UTRN: variants seen among roughly 807,000 people sequenced by gnomAD.
UTRN encodes the protein dystrophin-related protein 1.
A neutral mutation model predicts 463.9 loss-of-function variants in UTRN; 283 were observed. That is an observed-to-expected ratio of 0.61 (90% confidence interval 0.55 to 0.67). The LOEUF (loss-of-function observed/expected upper bound fraction) is 0.67. Among genes scored for constraint, UTRN ranks in the 30% least tolerant of loss-of-function variants. The pLI, the probability that UTRN is intolerant of heterozygous loss-of-function variation, is 0.00. For missense variants in UTRN, 3,922 were observed against 4,084.3 expected (o/e 0.96, Z 1.08); for synonymous variants, 1,442 against 1,431.5 (o/e 1.01, Z -0.17).
intron 19 of UTRN, among the ~76,000 whole-genome samples, chr6:144,456,561 G>A (rs1376787707): frequency 6.6e-6 from 1 of 151,630 alleles, no homozygotes; most frequent in African/African-American, 2.4e-5. Flanking sequence ...GCTGAGGCAG[G>A]AGAATCGCTT....
intron 52 of UTRN, among the ~76,000 whole-genome samples, chr6:144,694,736 C>T (rs1249625898): frequency 6.6e-6 from 1 of 151,902 alleles, no homozygotes; most frequent in East Asian, 1.9e-4. Flanking sequence ...GGTGATATCC[C>T]TCTTGTCATT....
At chr6:144,622,130 T>C (rs929870093) in intron 51 of UTRN, among the ~76,000 whole-genome samples, 25 of 151,582 alleles carry the variant, frequency 1.6e-4, no homozygotes, top group African/African-American at 5.6e-4. Flanking sequence ...TTCTCAAATA[T>C]ACCATTGAAT....
chr6:144,774,824 TTAAATATATCTTGAGACATTTAG>T (rs1429153211), intron 60 of UTRN, among the ~76,000 whole-genome samples: 1 of 152,238 alleles, frequency 6.6e-6, no homozygotes, highest in Non-Finnish European at 1.5e-5. Flanking sequence ...CTATTTTCTT[TTAAATATATCTTGAGACATTTAG>T]TATTATCAAT....
intron 54 of UTRN, among the ~76,000 whole-genome samples, chr6:144,740,633 T>C (rs1192626684): frequency 6.6e-6 from 1 of 152,226 alleles, no homozygotes; most frequent in Non-Finnish European, 1.5e-5. Context: ...TAATGTGATT[T>C]TTCACAAATT....
chr6:144,710,207 A>G (rs1483421132), intron 53 of UTRN, among the ~76,000 whole-genome samples: 3 of 152,232 alleles, frequency 2.0e-5, no homozygotes, highest in Non-Finnish European at 2.9e-5. Context: ...AGCATCTCCT[A>G]TGTTCAAACA....
chr6:144,678,484 T>C lies in UTRN; in HGVS notation c.7558T>C (p.Leu2520=), dbSNP rs1478789090. 4.3e-6 allele frequency: 7 copies of C among 1,613,410 alleles called. No individual in the cohort carries two copies. Among genetic ancestry groups the C allele is most frequent in the Non-Finnish European group, 5.9e-6 (7 of 1,179,652 alleles). The change falls in exon 52 of 75, where the codon TTG becomes CTG. Residue 2520 remains leucine (L), a synonymous_variant. Coordinates refer to ENST00000367545, the MANE Select transcript of UTRN (RefSeq NM_007124.3). ...DGNRQKMVKA[L]GNSEEATMLQ... ...AAACAGGCAGAAGATGGTAAAAGCTTTGGGAAATTCTGAAGAGGCTACTAT... is the reference window on the plus strand; with the variant it reads ...AAACAGGCAGAAGATGGTAAAAGCTCTGGGAAATTCTGAAGAGGCTACTAT...
At chr6:144,580,182 G>A (rs1163818532) in intron 51 of UTRN, among the ~76,000 whole-genome samples, 2 of 152,066 alleles carry the variant, frequency 1.3e-5, no homozygotes, top group East Asian at 3.9e-4. Flanking sequence ...CAGAAGCATG[G>A]CAAATCATAA....
intron 54 of UTRN, among the ~76,000 whole-genome samples, chr6:144,748,041 T>G (rs571597465): frequency 6.6e-6 from 1 of 152,322 alleles, no homozygotes; most frequent in East Asian, 1.9e-4. Flanking sequence ...TTTATTATCC[T>G]TTTGAGTGTG....
chr6:144,774,170 C>G, intron 59 of UTRN, 120 bp from the exon 60 acceptor site: 1 of 1,021,320 alleles, frequency 9.8e-7, no homozygotes, highest in Non-Finnish European at 1.4e-6. Context: ...TGGGAGAAGA[C>G]TTTTTATTTC....
At chr6:144,714,569 C>A (rs902549078) in intron 53 of UTRN, among the ~76,000 whole-genome samples, 1 of 152,160 alleles carries the variant, frequency 6.6e-6, no homozygotes, top group Non-Finnish European at 1.5e-5. Flanking sequence ...TCTTGAGATT[C>A]TTAGTAATAT....
At chr6:144,595,892 T>G (rs1803593986) in intron 51 of UTRN, among the ~76,000 whole-genome samples, 1 of 152,214 alleles carries the variant, frequency 6.6e-6, no homozygotes, top group Admixed American at 6.5e-5. Context: ...GAGTGCTGTT[T>G]TGCATTAATT....
At chr6:144,734,749 C>A (rs1002741256) in intron 54 of UTRN, among the ~76,000 whole-genome samples, 17 of 152,202 alleles carry the variant, frequency 1.1e-4, no homozygotes, top group African/African-American at 3.4e-4. Flanking sequence ...TCTGCCTGCT[C>A]TGCCTTTGCT....
intron 2 of UTRN, among the ~76,000 whole-genome samples, chr6:144,365,415 G>T (rs1041429779): frequency 1.3e-5 from 2 of 152,202 alleles, no homozygotes; most frequent in Non-Finnish European, 2.9e-5. Flanking sequence ...AGATCATGAG[G>T]AGGAGATGGT....
In UTRN at chr6:144,440,482, T is replaced by C; in HGVS notation, c.1512+11T>C. On this transcript the variant is annotated intron_variant, in intron 13 of 74. Coordinates refer to ENST00000367545, the MANE Select transcript of UTRN (RefSeq NM_007124.3). ...GAAGACCAGTTACAGGTAAGAGTGC[T>C]GTAAAGTTGGATAATCCTGAGGGAC... The C allele has an allele frequency of 1.2e-6, 2 of 1,614,084 alleles. No individual in the cohort carries two copies. The highest frequency in any genetic ancestry group is 1.7e-6 in the Non-Finnish European group (2 of 1,179,966).
At chr6:144,549,596 C>T (rs539423558) in intron 47 of UTRN, among the ~76,000 whole-genome samples, 1 of 152,278 alleles carries the variant, frequency 6.6e-6, no homozygotes, top group East Asian at 1.9e-4. Flanking sequence ...TGTAGCAAGG[C>T]AAGAGTCTAA....
chr6:144,824,230 A>T (rs1356589912), intron 66 of UTRN, among the ~76,000 whole-genome samples: 1 of 151,918 alleles, frequency 6.6e-6, no homozygotes, highest in African/African-American at 2.4e-5. Context: ...TTCTGAGAGC[A>T]GTGGGGAGCC....
chr6:144,625,110 G>C (rs1775812163), intron 51 of UTRN, among the ~76,000 whole-genome samples: 1 of 152,148 alleles, frequency 6.6e-6, no homozygotes, highest in South Asian at 2.1e-4. Context: ...AGGCCCTAAT[G>C]AAGTACTTTC....
intron 60 of UTRN, 35 bp downstream of exon 60, chr6:144,774,399 C>A (rs1312427354): frequency 1.3e-6 from 2 of 1,491,612 alleles, no homozygotes; most frequent in Non-Finnish European, 1.8e-6. Flanking sequence ...CAATCTGTTA[C>A]TTGAATTGCG....
chr6:144,459,005 C>T lies in UTRN; in HGVS notation c.2520C>T (p.Ser840=). The T allele has an allele frequency of 1.9e-6, 3 of 1,602,096 alleles. No individual in the cohort carries two copies. Among genetic ancestry groups the T allele is most frequent in the Non-Finnish European group, 2.6e-6 (3 of 1,175,086 alleles). Residue 840 remains serine (S), a synonymous_variant, in exon 20 of 75, where the codon TCC becomes TCT. Coordinates refer to ENST00000367545, the MANE Select transcript of UTRN (RefSeq NM_007124.3). ...SRQSLPSLKD[S]CQRELTNLLG... The stretch of plus-strand genomic sequence containing the variant: ...AGTCCTTGCCAAGCTTGAAGGATTC[C>T]TGTCAGGTAAGGAGCCAACGGTCTG...
Sources: allele counts gnomAD v4.1 joint callset (sites outside exome capture counted in the v4.1 genomes callset), GRCh38; gene constraint gnomAD v4.1.1; transcripts MANE v1.5; gene names NCBI Gene and HGNC (gene_info 2026-07-23, HGNC 2026-07-21).